ACACB: variants seen among roughly 807,000 people sequenced by gnomAD.
ACACB encodes acetyl-CoA carboxylase beta.
A neutral mutation model predicts 278.8 loss-of-function variants in ACACB; 209 were observed. The ratio of observed to expected loss-of-function variants is 0.75; its 90% confidence interval spans 0.67 to 0.84. The LOEUF is 0.84. Ranked by LOEUF, ACACB falls within the 40% of genes least tolerant of loss-of-function variation. The probability of loss-of-function intolerance (pLI) is 0.00; values close to 1 mark genes in which losing one functional copy is unlikely to be tolerated. For synonymous variants in ACACB, 1,174 were observed against 1,285.6 expected (o/e 0.91, Z 1.86); for missense variants, 2,850 against 3,269.0 (o/e 0.87, Z 3.13).
intron 29 of ACACB, among the ~76,000 whole-genome samples, 181 bp downstream of exon 29, chr12:109,232,987 T>C (rs2046519848): frequency 6.6e-6 from 1 of 152,132 alleles, no homozygotes; most frequent in South Asian, 2.1e-4. Context: ...ACATGTCAGC[T>C]TGCCTGGCAC....
At position 109,191,651 on chromosome 12, in the gene ACACB, G is replaced by T; in HGVS notation, c.2183G>T (p.Gly728Val). 1 of 1,614,174 alleles carries T rather than the reference G, an allele frequency of 6.2e-7. No individual in the cohort carries two copies. The highest frequency in any genetic ancestry group is 1.1e-5 in the South Asian group (1 of 91,078). The change falls in exon 14 of 53, where the codon GGC becomes GTC. Residue 728 changes from glycine to valine, a missense_variant. Gly to Val is a moderately radical substitution (Grantham distance 109, BLOSUM62 -3). Around this residue, in one of 3 missense-constraint regions of ACACB, gnomAD observed 2,265 missense variants for 2,561.3 expected, o/e 0.88. Coordinates refer to ENST00000338432, the MANE Select transcript of ACACB (RefSeq NM_001093.4). ...VVALKELSIR[G>V]DFRTTVEYLI... is the part of the protein sequence containing the mutation. ...GCTTTGAAGGAACTGTCCATCCGAG[G>T]CGACTTTAGGACTACCGTGGAATAC...
At chr12:109,265,593 A>C in intron 52 of ACACB, 68 bp downstream of exon 52, 1 of 1,562,522 alleles carries the variant, frequency 6.4e-7, no homozygotes, top group Admixed American at 1.8e-5. Flanking sequence ...ACCCCTAGCT[A>C]CCCGACTCCT....
In ACACB at chr12:109,212,799, T is replaced by A. The variant is rs759695836; in HGVS notation, c.3250-37T>A. On this transcript the variant is annotated intron_variant, in intron 21 of 52. Transcript: ENST00000338432. ...AGGGGACTGCTGTGTGTCATCTGAA[T>A]CATCAGCAGTCAGACCTGTCTTGTT... The A allele has an allele frequency of 5.2e-6, 8 of 1,552,150 alleles. No homozygotes were observed. In the South Asian group the frequency reaches 8.9e-5, roughly 17 times the overall value.
At chr12:109,236,903 A>G (rs2046645702) in intron 33 of ACACB, among the ~76,000 whole-genome samples, 1 of 151,996 alleles carries the variant, frequency 6.6e-6, no homozygotes, top group African/African-American at 2.4e-5. Context: ...GGGACTAGCT[A>G]GGTTCCCCCA....
intron 2 of ACACB, among the ~76,000 whole-genome samples, chr12:109,148,352 T>A (rs76821554): frequency 4.6e-5 from 7 of 152,184 alleles, no homozygotes; most frequent in African/African-American, 9.7e-5. Flanking sequence ...AGTGGGCCTA[T>A]GATGAGACAC....
chr12:109,205,506 A>G (rs965789530), intron 19 of ACACB, among the ~76,000 whole-genome samples: 1 of 151,494 alleles, frequency 6.6e-6, no homozygotes, highest in African/African-American at 2.4e-5. Flanking sequence ...CTGGAGTGCA[A>G]TGGCACAATC....
chr12:109,176,155 A>G lies in ACACB; in HGVS notation c.1329A>G (p.Ala443=). The G allele has an allele frequency of 6.2e-7, 1 of 1,614,214 alleles. No individual in the cohort carries two copies. Among genetic ancestry groups the G allele is most frequent in the Non-Finnish European group, 8.5e-7 (1 of 1,180,014 alleles). ...GTCTGTTTGTCCTTTGCACCCAGGCAGCAGAAAGAATTGGTTTTCCATTGA... is the reference window on the plus strand; with the variant it reads ...GTCTGTTTGTCCTTTGCACCCAGGCGGCAGAAAGAATTGGTTTTCCATTGA... ...CVKDVDEGLE[A]AERIGFPLMI... is the part of the protein sequence containing the mutation. The change falls in exon 9 of 53, where the codon GCA becomes GCG. Residue 443 remains alanine, a splice_region_variant and synonymous_variant. Transcript: ENST00000338432.
Position 109,239,956 on chromosome 12 carries a change from G to A in ACACB, c.4789G>A (p.Val1597Met), listed in dbSNP as rs781319143. The change falls in exon 35 of 53, where the codon GTG becomes ATG. Residue 1597 changes from valine to methionine, a missense_variant. This residue lies in a region of ACACB where 2,265 missense variants were observed against 2,561.3 expected (regional missense o/e 0.88). Transcript: ENST00000338432. ...TDCNHIFLNF[V>M]PTVIMDPFKI... ...CTGCAACCACATCTTCCTCAACTTCGTGCCCACTGTCATCATGGACCCCTT... is the reference window on the plus strand; with the variant it reads ...CTGCAACCACATCTTCCTCAACTTCATGCCCACTGTCATCATGGACCCCTT... The A allele has an allele frequency of 2.0e-5, 32 of 1,614,056 alleles. No individual in the cohort carries two copies. The highest frequency in any genetic ancestry group is 2.7e-5 in the African/African-American group (2 of 75,028).
intron 35 of ACACB, among the ~76,000 whole-genome samples, chr12:109,240,852 A>G (rs568416670): frequency 1.3e-5 from 2 of 152,288 alleles, no homozygotes; most frequent in South Asian, 2.1e-4. Context: ...GAGGGATTAG[A>G]AAAGCTCGCC....
At chr12:109,165,471 G>A (rs941781501) in intron 2 of ACACB, among the ~76,000 whole-genome samples, 2 of 152,176 alleles carry the variant, frequency 1.3e-5, no homozygotes, top group Admixed American at 1.3e-4. Context: ...TTACAGGTAT[G>A]AGCCACTGCA....
intron 36 of ACACB, 42 bp downstream of exon 36, chr12:109,241,323 A>T (rs763164488): frequency 3.8e-6 from 6 of 1,577,074 alleles, no homozygotes; most frequent in African/African-American, 1.3e-5. Flanking sequence ...TCAAAGCAGA[A>T]GCAGGCTGCT....
At chr12:109,123,876 A>G (rs1436552884) in intron 1 of ACACB, among the ~76,000 whole-genome samples, 1 of 151,066 alleles carries the variant, frequency 6.6e-6, no homozygotes, top group Non-Finnish European at 1.5e-5. Flanking sequence ...TTTTTTAGGT[A>G]ACAGAGTTTG....
intron 7 of ACACB, among the ~76,000 whole-genome samples, chr12:109,175,234 C>T (rs1302453234): frequency 6.6e-6 from 1 of 151,584 alleles, no homozygotes; most frequent in South Asian, 2.1e-4. Context: ...TTTTTTTTCC[C>T]CCCCCAAAAG....
In ACACB at chr12:109,253,099, G is replaced by A. The variant is rs138582469; in HGVS notation, c.5986G>A (p.Val1996Met). Reference sequence around the variant, plus strand: ...TTACAATGGTGTCTCCCACATCACCGTGCCAGATGACTTTGAGGGGGTTTA... The same window carrying A: ...TTACAATGGTGTCTCCCACATCACCATGCCAGATGACTTTGAGGGGGTTTA... ...MHYNGVSHIT[V>M]PDDFEGVYTI... The change falls in exon 43 of 53, where the codon GTG becomes ATG. Residue 1996 changes from valine to methionine, a missense_variant. Physicochemically the swap from Val to Met is conservative, Grantham distance 21. Around this residue, in one of 3 missense-constraint regions of ACACB, gnomAD observed 579 missense variants for 684.6 expected, o/e 0.85. Transcript: ENST00000338432. 766 of 1,613,316 alleles carry A rather than the reference G, an allele frequency of 4.7e-4. 1 individual carries two copies. In the African/African-American group the frequency reaches 7.2e-3, roughly 15 times the overall value.
rs553221889 is a variant in ACACB at position 109,128,834 on chromosome 12, C to T, written c.-9-10563C>T. On this transcript the variant is annotated intron_variant, in intron 1 of 52. Transcript: ENST00000338432. ...TAATTTGTTTTCTGAGACAGGGTCT[C>T]GCTATGTTACCCAGGCTGGTCCTGA... is the stretch of plus-strand genomic sequence containing the variant. Among the ~76,000 whole-genome samples the T allele has an allele frequency of 5.9e-4, 89 of 151,252 alleles. 1 individual carries two copies. Among genetic ancestry groups the T allele is most frequent in the Non-Finnish European group, 9.9e-4 (67 of 67,894 alleles).
At chr12:109,147,381 T>C (rs958496530) in intron 2 of ACACB, among the ~76,000 whole-genome samples, 5 of 149,628 alleles carry the variant, frequency 3.3e-5, no homozygotes, top group Non-Finnish European at 5.9e-5. Context: ...TGCATCACCA[T>C]GTCTGGCTAC....
At chr12:109,264,005 TGGGCCTGGGGTGG>T (rs1212627760) in intron 49 of ACACB, 1 of 517,868 alleles carries the variant, frequency 1.9e-6, no homozygotes, top group Non-Finnish European at 3.4e-6. Context: ...GCCATCAAGA[TGGGCCTGGGGTGG>T]GGGCCAGGCC....
In ACACB at chr12:109,179,956, G is replaced by A. The variant is rs754041618; in HGVS notation, c.1687G>A (p.Ala563Thr). The change falls in exon 11 of 53, where the codon GCA (alanine) becomes ACA (threonine). Residue 563 changes from alanine (A) to threonine (T), a missense_variant. Physicochemically the swap from Ala to Thr is moderately conservative, Grantham distance 58 (BLOSUM62 0). Transcript: ENST00000338432. ...GGCCAAGACCGTGGGCTATGTGAGT[G>A]CAGGGACAGTGGAATACCTCTATAG... is the stretch of plus-strand genomic sequence containing the variant. Reference protein sequence around the residue: ...RLAKTVGYVSAGTVEYLYSQD... With the variant: ...RLAKTVGYVSTGTVEYLYSQD... 2 of 1,613,908 alleles carry A rather than the reference G, an allele frequency of 1.2e-6. No homozygotes were observed. The highest frequency in any genetic ancestry group is 1.7e-6 in the Non-Finnish European group (2 of 1,179,864).
chr12:109,246,317 T>C lies in ACACB; in HGVS notation c.5440T>C (p.Ser1814Pro), dbSNP rs750750723. The change falls in exon 39 of 53, where the codon TCC (serine) becomes CCC (proline). Residue 1814 changes from serine to proline, a missense_variant. By Grantham distance (74) the Ser-to-Pro change is moderately conservative (BLOSUM62 -1). Coordinates refer to ENST00000338432, the MANE Select transcript of ACACB (RefSeq NM_001093.4). ...AGAGGACCTTCTGTACCTGCGGGCA[T>C]CCGAGATGGCCCGGGCAGAGGGCAT... ...PGEDLLYLRA[S>P]EMARAEGIPK... is the part of the protein sequence containing the mutation. 1 of 1,612,720 alleles carries C rather than the reference T, an allele frequency of 6.2e-7. No individual in the cohort carries two copies. Among genetic ancestry groups the C allele is most frequent in the Non-Finnish European group, 8.5e-7 (1 of 1,179,768 alleles).
Sources: gnomAD v4.1 joint callset for allele counts (sites outside exome capture counted in the v4.1 genomes callset) on GRCh38, gnomAD v4.1.1 for gene constraint, gnomAD v4.1.1 regional missense constraint, MANE v1.5 for transcripts, NCBI Gene and HGNC (gene_info 2026-07-23, HGNC 2026-07-21) for gene names.